Variants in PEX5L observed in about 807,000 individuals in gnomAD.
PEX5L encodes peroxisomal biogenesis factor 5 like.
PEX5L carries 30 observed loss-of-function variants against 84.0 expected under a neutral mutation model. The observed-to-expected ratio is 0.36, with a 90% CI of 0.27 to 0.48. The LOEUF (loss-of-function observed/expected upper bound fraction) is 0.48, where lower values mean the gene tolerates loss of function less well. PEX5L is among the 20% of genes least tolerant of loss of function. The pLI, the probability that PEX5L is intolerant of heterozygous loss-of-function variation, is 0.99. For missense variants in PEX5L, 533 were observed against 754.6 expected (o/e 0.71, Z 3.44); for synonymous variants, 270 against 283.1 (o/e 0.95, Z 0.46).
At chr3:179,988,062 T>C (rs1016728854) in intron 1 of PEX5L, among the ~76,000 whole-genome samples, 1 of 152,132 alleles carries the variant, frequency 6.6e-6, no homozygotes, top group South Asian at 2.1e-4. Context: ...TATGATTTCA[T>C]TTTTTAGCTA....
chr3:179,885,841 A>AAAGCATGAT (rs1387277793), intron 4 of PEX5L, among the ~76,000 whole-genome samples: 1 of 152,196 alleles, frequency 6.6e-6, no homozygotes, highest in African/African-American at 2.4e-5. Flanking sequence ...GGCCCACCTG[A>AAAGCATGAT]AAGCATGATT....
chr3:179,795,844 AC>A lies in PEX5L; in HGVS notation c.*5983del, dbSNP rs1304565942. ...TTTTCTAAATAGTTAAATGTTTGTT[AC>A]AGTTTGTAAAAAGTTTAATAAATTA... On this transcript the variant is annotated 3_prime_UTR_variant, in exon 15 of 15. Coordinates refer to ENST00000467460, the MANE Select transcript of PEX5L (RefSeq NM_016559.3). 6.6e-6 allele frequency: 1 copy of A among 152,230 alleles called. No homozygotes were observed. The highest frequency in any genetic ancestry group is 1.5e-5 in the Non-Finnish European group (1 of 68,030). The allele number at this position is 152,230 out of a possible 1,614,324, so 9.4% of individuals were successfully genotyped here.
chr3:179,888,682 C>T (rs1327317728), intron 3 of PEX5L, among the ~76,000 whole-genome samples: 1 of 151,688 alleles, frequency 6.6e-6, no homozygotes, highest in Non-Finnish European at 1.5e-5. Flanking sequence ...TTTATATTTG[C>T]CTTTCATAAA....
intron 2 of PEX5L, among the ~76,000 whole-genome samples, chr3:179,927,889 T>C (rs963138597): frequency 6.6e-6 from 1 of 152,216 alleles, no homozygotes; most frequent in African/African-American, 2.4e-5. Context: ...TTCTTTTCTA[T>C]TGTAATTATT....
At chr3:179,882,122 A>G (rs1754347769) in intron 4 of PEX5L, among the ~76,000 whole-genome samples, 1 of 152,248 alleles carries the variant, frequency 6.6e-6, no homozygotes, top group Admixed American at 6.5e-5. Context: ...AAGGAAATTG[A>G]TGGCATAATA....
At chr3:179,889,683 C>A (rs962452264) in intron 3 of PEX5L, among the ~76,000 whole-genome samples, 9 of 152,170 alleles carry the variant, frequency 5.9e-5, no homozygotes, top group Non-Finnish European at 1.3e-4. Context: ...TGCTTTGACT[C>A]ATGAGTGAAA....
chr3:179,839,051 A>AT (rs1274571534), intron 8 of PEX5L, among the ~76,000 whole-genome samples: 79 of 149,560 alleles, frequency 5.3e-4, no homozygotes, highest in African/African-American at 1.0e-3. Flanking sequence ...AAAAAAATCT[A>AT]TTTTTTTTTC....
chr3:179,983,785 A>G (rs1786553655), intron 1 of PEX5L, among the ~76,000 whole-genome samples: 1 of 152,134 alleles, frequency 6.6e-6, no homozygotes, highest in African/African-American at 2.4e-5. Flanking sequence ...TTAGAGATTT[A>G]GAAACTTGAA....
intron 1 of PEX5L, among the ~76,000 whole-genome samples, chr3:180,032,802 C>T (rs1046538791): frequency 1.3e-5 from 2 of 151,978 alleles, no homozygotes; most frequent in Admixed American, 6.6e-5. Flanking sequence ...AGCAGTGAGC[C>T]GAGATTGGGC....
chr3:179,989,782 A>T (rs1016150760), intron 1 of PEX5L, among the ~76,000 whole-genome samples: 2 of 152,234 alleles, frequency 1.3e-5, no homozygotes, highest in African/African-American at 4.8e-5. Flanking sequence ...ACCTAAAAGA[A>T]TTACATAAAA....
rs1716569220 is a variant in PEX5L, at chr3:179,795,471, T to C, written c.*6357A>G. On this transcript the variant is annotated 3_prime_UTR_variant, in exon 15 of 15. Transcript: ENST00000467460. ...AGAGCAACGCAGGGAAATACTAAGA[T>C]GAAGCCTTAATACCCAACAGAGTTG... 6.6e-6 allele frequency: 1 copy of C among 152,182 alleles called. No individual in the cohort carries two copies. The highest frequency in any genetic ancestry group is 1.5e-5 in the Non-Finnish European group (1 of 68,028). 9.4% of individuals were successfully genotyped at this position (152,182 alleles called of 1,614,324 possible).
At chr3:179,963,980 CA>C (rs1420739544) in intron 2 of PEX5L, among the ~76,000 whole-genome samples, 2 of 151,966 alleles carry the variant, frequency 1.3e-5, no homozygotes, top group Non-Finnish European at 2.9e-5. Flanking sequence ...AATTTAGGTT[CA>C]GGGGTACATG....
At chr3:179,878,631 C>T (rs1235247926) in intron 5 of PEX5L, among the ~76,000 whole-genome samples, 1 of 152,130 alleles carries the variant, frequency 6.6e-6, no homozygotes, top group Non-Finnish European at 1.5e-5. Context: ...CCAGGGATAC[C>T]CTGCTCTGTT....
At chr3:179,891,856 A>C (rs1225950400) in intron 3 of PEX5L, among the ~76,000 whole-genome samples, 1 of 152,158 alleles carries the variant, frequency 6.6e-6, no homozygotes, top group African/African-American at 2.4e-5. Flanking sequence ...TACATGTTTT[A>C]GATCATAAAA....
intron 1 of PEX5L, among the ~76,000 whole-genome samples, chr3:180,027,389 G>C (rs946043922): frequency 6.6e-6 from 1 of 152,136 alleles, no homozygotes; most frequent in African/African-American, 2.4e-5. Context: ...ATTACAAAAA[G>C]AGTACAATGG....
intron 1 of PEX5L, among the ~76,000 whole-genome samples, chr3:180,013,424 A>G (rs1789660350): frequency 6.6e-6 from 1 of 152,198 alleles, no homozygotes; most frequent in Admixed American, 6.5e-5. Flanking sequence ...CTTCTCTTAC[A>G]AAACAAAACA....
At position 180,020,605 on chromosome 3, in the gene PEX5L, C is replaced by T. The variant is rs191948865; in HGVS notation, c.21+15974G>A. 1.0e-3 allele frequency among the ~76,000 whole-genome samples: 152 copies of T among 152,102 alleles called. 1 individual carries two copies. The highest frequency in any genetic ancestry group is 3.0e-3 in the African/African-American group (125 of 41,506). On this transcript the variant is annotated intron_variant, in intron 1 of 14. Coordinates refer to ENST00000467460, the MANE Select transcript of PEX5L (RefSeq NM_016559.3). ...AGAGATAAAGTGATGTTTCCCAAGT[C>T]ATATACAAGTTAGAGCAGAAACAGG... is the stretch of plus-strand genomic sequence containing the variant.
At chr3:179,959,072 A>T (rs200545614) in intron 2 of PEX5L, among the ~76,000 whole-genome samples, 33 of 143,102 alleles carry the variant, frequency 2.3e-4, no homozygotes, top group South Asian at 1.2e-3. Flanking sequence ...AAAAAAAAAA[A>T]TAAAAAAAAC....
At chr3:179,972,462 C>T (rs1307802988) in intron 1 of PEX5L, among the ~76,000 whole-genome samples, 4 of 151,880 alleles carry the variant, frequency 2.6e-5, no homozygotes, top group Middle Eastern at 3.4e-3. Flanking sequence ...TTTCTCCCAA[C>T]GCAACGGTTG....
Sources: allele counts gnomAD v4.1 joint callset (sites outside exome capture counted in the v4.1 genomes callset), GRCh38; gene constraint gnomAD v4.1.1; transcripts MANE v1.5; gene names NCBI Gene and HGNC (gene_info 2026-07-23, HGNC 2026-07-21).